The following FSTL5 variants were observed in gnomAD, a reference collection of about 807,000 sequenced individuals.
FSTL5 encodes follistatin-related protein 5.
In FSTL5, 62 loss-of-function variants were observed where a neutral mutation model predicts 89.1. That is an observed-to-expected ratio of 0.70 (90% CI 0.57 to 0.86). FSTL5 has a LOEUF of 0.86. Ranked by LOEUF, FSTL5 falls within the 40% of genes least tolerant of loss-of-function variation. FSTL5 has a pLI of 0.00. For missense variants in FSTL5, 1,057 were observed against 1,001.6 expected (o/e 1.06, Z -0.75); for synonymous variants, 383 against 346.2 (o/e 1.11, Z -1.18).
intron 6 of FSTL5, among the ~76,000 whole-genome samples, chr4:161,740,083 A>T (rs1301003807): frequency 6.6e-6 from 1 of 151,812 alleles, no homozygotes; most frequent in African/African-American, 2.4e-5. Flanking sequence ...GCAATGGCAC[A>T]ATCTCAGCTC....
chr4:161,742,189 A>T (rs762230450), intron 6 of FSTL5, among the ~76,000 whole-genome samples: 2 of 152,196 alleles, frequency 1.3e-5, no homozygotes, highest in Non-Finnish European at 2.9e-5. Context: ...CTTGTTAAGG[A>T]GGGTCCATTT....
chr4:161,961,055 T>C (rs1033027574), intron 3 of FSTL5, among the ~76,000 whole-genome samples: 7 of 152,068 alleles, frequency 4.6e-5, no homozygotes, highest in African/African-American at 1.7e-4. Context: ...ATTTGTTTTA[T>C]TTAGATATTT....
intron 11 of FSTL5, among the ~76,000 whole-genome samples, chr4:161,507,208 T>C (rs538655300): frequency 1.3e-5 from 2 of 152,104 alleles, no homozygotes; most frequent in South Asian, 4.1e-4. Context: ...TAAGTAAGTA[T>C]AATTCAGTGC....
At chr4:161,627,533 A>T (rs1735358147) in intron 7 of FSTL5, among the ~76,000 whole-genome samples, 2 of 152,180 alleles carry the variant, frequency 1.3e-5, no homozygotes, top group Non-Finnish European at 2.9e-5. Context: ...CTATAACCAA[A>T]CCTTCAAGAT....
chr4:161,921,297 A>C (rs1733989362), intron 3 of FSTL5, among the ~76,000 whole-genome samples: 1 of 152,174 alleles, frequency 6.6e-6, no homozygotes, highest in Admixed American at 6.5e-5. Context: ...ATCATGACTA[A>C]ATCAACAAAT....
At chr4:161,401,671 A>G (rs1731183941) in intron 15 of FSTL5, among the ~76,000 whole-genome samples, 1 of 151,932 alleles carries the variant, frequency 6.6e-6, no homozygotes. Flanking sequence ...ACTACTGGAG[A>G]CTGCCACCAT....
chr4:161,711,412 A>T (rs1385778972), intron 6 of FSTL5, among the ~76,000 whole-genome samples: 1 of 152,042 alleles, frequency 6.6e-6, no homozygotes, highest in Non-Finnish European at 1.5e-5. Flanking sequence ...TAAATAAATG[A>T]AATAGACAAT....
intron 4 of FSTL5, among the ~76,000 whole-genome samples, chr4:161,841,319 T>C (rs1731205826): frequency 6.6e-6 from 1 of 152,166 alleles, no homozygotes. Flanking sequence ...CTTAGCCATG[T>C]CTCATAAAAA....
intron 15 of FSTL5, chr4:161,388,255 C>T (rs1578935264): frequency 1.3e-5 from 2 of 152,042 alleles, no homozygotes; most frequent in Admixed American, 6.6e-5. Flanking sequence ...TGTTTGTGTC[C>T]TTTCAGTAAA....
At chr4:162,097,712 A>G (rs2111373968) in intron 2 of FSTL5, among the ~76,000 whole-genome samples, 1 of 152,036 alleles carries the variant, frequency 6.6e-6, no homozygotes, top group African/African-American at 2.4e-5. Flanking sequence ...AATGCAAAAG[A>G]AAAAAGCTCA....
At chr4:162,008,333 T>C (rs1473438582) in intron 3 of FSTL5, among the ~76,000 whole-genome samples, 1 of 151,866 alleles carries the variant, frequency 6.6e-6, no homozygotes, top group Non-Finnish European at 1.5e-5. Context: ...ATAGGCATAG[T>C]AGAAGATGTT....
intron 4 of FSTL5, among the ~76,000 whole-genome samples, chr4:161,847,941 A>G (rs1731421410): frequency 6.7e-6 from 1 of 148,268 alleles, no homozygotes. Flanking sequence ...GAGACTGAGG[A>G]AGGATAATCT....
At chr4:161,696,195 A>G (rs1455237604) in intron 6 of FSTL5, among the ~76,000 whole-genome samples, 1 of 152,078 alleles carries the variant, frequency 6.6e-6, no homozygotes, top group Admixed American at 6.6e-5. Flanking sequence ...AATTAACTCA[A>G]CACCATTTGT....
At chr4:161,515,651 C>T (rs1329204443) in intron 10 of FSTL5, among the ~76,000 whole-genome samples, 1 of 151,494 alleles carries the variant, frequency 6.6e-6, no homozygotes, top group Non-Finnish European at 1.5e-5. Flanking sequence ...AGTCTTTATA[C>T]ATGGTTTCAA....
chr4:161,783,326 G>A (rs1402264226), intron 4 of FSTL5, among the ~76,000 whole-genome samples: 1 of 152,016 alleles, frequency 6.6e-6, no homozygotes, highest in Non-Finnish European at 1.5e-5. Context: ...GAATATATGA[G>A]AGCTAATGCT....
At chr4:162,030,662 C>T (rs1737487430) in intron 3 of FSTL5, among the ~76,000 whole-genome samples, 1 of 152,076 alleles carries the variant, frequency 6.6e-6, no homozygotes, top group South Asian at 2.1e-4. Context: ...TGCAAGAGCA[C>T]AGGCACTTTC....
chr4:161,480,908 C>G, intron 13 of FSTL5, 112 bp downstream of exon 13: 1 of 685,050 alleles, frequency 1.5e-6, no homozygotes, highest in Non-Finnish European at 2.4e-6. Context: ...TTCTAGTTAT[C>G]CAAGTAAGGA....
chr4:161,842,579 T>C (rs1478608718), intron 4 of FSTL5, among the ~76,000 whole-genome samples: 1 of 152,146 alleles, frequency 6.6e-6, no homozygotes, highest in Non-Finnish European at 1.5e-5. Flanking sequence ...GATTATATGT[T>C]ACTGTAATAA....
intron 10 of FSTL5, among the ~76,000 whole-genome samples, chr4:161,537,117 G>T (rs2126537983): frequency 6.6e-6 from 1 of 152,144 alleles, no homozygotes; most frequent in South Asian, 2.1e-4. Flanking sequence ...TTGGGACCTG[G>T]GTAAGGTCCT....
Sources: allele counts gnomAD v4.1 joint callset (sites outside exome capture counted in the v4.1 genomes callset), GRCh38; gene constraint gnomAD v4.1.1; transcripts MANE v1.5; gene names NCBI Gene and HGNC (gene_info 2026-07-23, HGNC 2026-07-21).